MARCHF1: variants seen among roughly 807,000 people sequenced by gnomAD.
MARCHF1 encodes membrane associated ring-CH-type finger 1, also known as E3 ubiquitin-protein ligase MARCHF1.
MARCHF1 carries 40 observed loss-of-function variants against 54.2 expected under a neutral mutation model. The observed-to-expected ratio is 0.74, with a 90% CI of 0.57 to 0.96. The LOEUF (loss-of-function observed/expected upper bound fraction) is 0.96, where lower values mean the gene tolerates loss of function less well. Ranked by LOEUF, MARCHF1 falls within the 40% of genes least tolerant of loss-of-function variation. The pLI is 0.00. For missense variants in MARCHF1, 586 were observed against 656.5 expected (o/e 0.89, Z 1.17); for synonymous variants, 236 against 236.3 (o/e 1.00, Z 0.01).
intron 5 of MARCHF1, among the ~76,000 whole-genome samples, chr4:163,644,672 C>T (rs905417845): frequency 1.3e-5 from 2 of 152,170 alleles, no homozygotes; most frequent in Non-Finnish European, 2.9e-5. Context: ...GGCCAGCTAA[C>T]TTAGGTTATA....
chr4:164,136,421 AG>A (rs1654499412), intron 1 of MARCHF1, among the ~76,000 whole-genome samples: 2 of 152,172 alleles, frequency 1.3e-5, no homozygotes, highest in Non-Finnish European at 2.9e-5. Flanking sequence ...AGGGAAAGTT[AG>A]AGGAGAGTGA....
At chr4:163,672,989 C>T (rs1378975564) in intron 5 of MARCHF1, among the ~76,000 whole-genome samples, 1 of 152,154 alleles carries the variant, frequency 6.6e-6, no homozygotes, top group Non-Finnish European at 1.5e-5. Flanking sequence ...GCCCTCCTTC[C>T]TCCCCTTAAT....
chr4:163,769,385 A>G (rs1228854958), intron 4 of MARCHF1, among the ~76,000 whole-genome samples: 2 of 152,150 alleles, frequency 1.3e-5, no homozygotes, highest in Admixed American at 1.3e-4. Context: ...TATAAAATTG[A>G]ATGTTTTCCA....
intron 1 of MARCHF1, among the ~76,000 whole-genome samples, chr4:164,255,673 G>C (rs1733259907): frequency 6.6e-6 from 1 of 151,972 alleles, no homozygotes; most frequent in Non-Finnish European, 1.5e-5. Flanking sequence ...ATAAAAAAGA[G>C]AAAGTTTTCA....
At chr4:164,341,442 TA>T (rs372171297) in intron 1 of MARCHF1, among the ~76,000 whole-genome samples, 2,489 of 151,884 alleles carry the variant, frequency 0.016, 76 homozygotes, top group African/African-American at 0.057. Flanking sequence ...GCCAACAAAA[TA>T]AAAAAAATAA....
chr4:163,893,330 G>A (rs774553944), intron 3 of MARCHF1, among the ~76,000 whole-genome samples: 23 of 151,970 alleles, frequency 1.5e-4, no homozygotes, highest in Non-Finnish European at 2.8e-4. Flanking sequence ...GTAGAGACAG[G>A]GTTTCACCAT....
chr4:163,957,582 G>A (rs1752255350), intron 3 of MARCHF1, among the ~76,000 whole-genome samples: 1 of 152,004 alleles, frequency 6.6e-6, no homozygotes, highest in Admixed American at 6.6e-5. Flanking sequence ...ACTTTAATAG[G>A]TGGCAGATAT....
chr4:163,767,324 C>T (rs1216848689), intron 4 of MARCHF1, among the ~76,000 whole-genome samples: 2 of 151,172 alleles, frequency 1.3e-5, no homozygotes, highest in Admixed American at 6.6e-5. Context: ...ACTTCAAACC[C>T]AACATTGCAT....
intron 2 of MARCHF1, among the ~76,000 whole-genome samples, chr4:164,042,083 TTATTAA>T (rs1167072730): frequency 1.3e-5 from 2 of 152,112 alleles, no homozygotes; most frequent in African/African-American, 2.4e-5. Context: ...TTACTTCTCT[TTATTAA>T]TATTATTTTT....
In MARCHF1 at chr4:163,623,530, A is replaced by G. The variant is rs573663461; in HGVS notation, c.163-10137T>C. ...ATCCACGTTTCTTGCACAAGCCTAA[A>G]TGGGACGGCGTTAACACCTCTAGGG... is the stretch of plus-strand genomic sequence containing the variant. On this transcript the variant is annotated intron_variant, in intron 5 of 9. Coordinates refer to ENST00000514618, the MANE Select transcript of MARCHF1 (RefSeq NM_001394959.1). Among the ~76,000 whole-genome samples the G allele has an allele frequency of 2.0e-5, 3 of 152,282 alleles. No homozygotes were observed. In the South Asian group the frequency reaches 6.2e-4, roughly 32 times the overall value.
At chr4:164,029,063 T>A (rs1753825588) in intron 2 of MARCHF1, among the ~76,000 whole-genome samples, 2 of 152,226 alleles carry the variant, frequency 1.3e-5, no homozygotes, top group Admixed American at 1.3e-4. Context: ...TAATCTCCTG[T>A]GAGAAATGCG....
At chr4:164,096,241 A>C (rs1456414711) in intron 2 of MARCHF1, among the ~76,000 whole-genome samples, 2 of 152,328 alleles carry the variant, frequency 1.3e-5, no homozygotes, top group East Asian at 3.9e-4. Flanking sequence ...CAGCCATAAA[A>C]AGAACAAAAT....
chr4:164,253,996 G>T (rs1052837446), intron 1 of MARCHF1, among the ~76,000 whole-genome samples: 2 of 152,124 alleles, frequency 1.3e-5, no homozygotes, highest in Admixed American at 1.3e-4. Flanking sequence ...TAGTTGTCTT[G>T]GAAGGTATGG....
intron 8 of MARCHF1, among the ~76,000 whole-genome samples, chr4:163,576,377 T>C (rs1740036766): frequency 6.6e-6 from 1 of 152,122 alleles, no homozygotes; most frequent in South Asian, 2.1e-4. Context: ...TAGATTTCTA[T>C]TTTTATTTCA....
At chr4:163,959,281 A>T (rs1208376518) in intron 3 of MARCHF1, among the ~76,000 whole-genome samples, 1 of 151,858 alleles carries the variant, frequency 6.6e-6, no homozygotes, top group Non-Finnish European at 1.5e-5. Context: ...ATGGAACCAA[A>T]AAAGAGCCCA....
chr4:164,206,801 AAT>A (rs1293529283), intron 1 of MARCHF1, among the ~76,000 whole-genome samples: 1 of 152,112 alleles, frequency 6.6e-6, no homozygotes, highest in Non-Finnish European at 1.5e-5. Context: ...AAGATATTCA[AAT>A]ATATATTGGG....
chr4:164,099,927 C>T lies in MARCHF1; in HGVS notation c.-248+11661G>A, dbSNP rs148881520. The stretch of plus-strand genomic sequence containing the variant: ...CAAGGAAGAAGAAATAAGTGTATCT[C>T]TTGTAATCAGCAAAGAAAACAGCCA... On this transcript the variant is annotated intron_variant, in intron 2 of 9. Coordinates refer to ENST00000514618, the MANE Select transcript of MARCHF1 (RefSeq NM_001394959.1). 3.2e-3 allele frequency among the ~76,000 whole-genome samples: 486 copies of T among 152,142 alleles called. 3 individuals carry two copies. Among genetic ancestry groups the T allele is most frequent in the African/African-American group, 0.011 (456 of 41,518 alleles).
At chr4:163,677,879 T>C (rs1407731437) in intron 5 of MARCHF1, among the ~76,000 whole-genome samples, 3 of 152,270 alleles carry the variant, frequency 2.0e-5, no homozygotes, top group African/African-American at 7.2e-5. Flanking sequence ...GCCAGTTGTG[T>C]AATTTTACAA....
chr4:163,694,248 T>G (rs884047), intron 5 of MARCHF1, among the ~76,000 whole-genome samples: 46,522 of 152,102 alleles, frequency 0.31, 8,932 homozygotes, highest in Non-Finnish European at 0.44. Context: ...CCAAAATCCC[T>G]TTGGGTCCCT....
Sources: allele counts gnomAD v4.1 joint callset (sites outside exome capture counted in the v4.1 genomes callset), GRCh38; gene constraint gnomAD v4.1.1; transcripts MANE v1.5; gene names NCBI Gene and HGNC (gene_info 2026-07-23, HGNC 2026-07-21).